DPP6: variants seen among roughly 807,000 people sequenced by gnomAD.
DPP6 encodes A-type potassium channel modulatory protein DPP6.
DPP6 carries 69 observed loss-of-function variants against 122.6 expected under a neutral mutation model. That is an observed-to-expected ratio of 0.56 (90% CI 0.46 to 0.69). The LOEUF (loss-of-function observed/expected upper bound fraction) is 0.69, where lower values mean the gene tolerates loss of function less well. Among genes scored for constraint, DPP6 ranks in the 30% least tolerant of loss-of-function variants. DPP6 has a pLI of 0.00. For synonymous variants in DPP6, 418 were observed against 433.1 expected (o/e 0.97, Z 0.43); for missense variants, 928 against 1,116.9 (o/e 0.83, Z 2.41).
At chr7:154,750,123 T>C (rs1222367431) in intron 8 of DPP6, among the ~76,000 whole-genome samples, 1 of 152,178 alleles carries the variant, frequency 6.6e-6, no homozygotes, top group African/African-American at 2.4e-5. Flanking sequence ...TCCTGGCCTG[T>C]GTGTGTCCGT....
intron 1 of DPP6, among the ~76,000 whole-genome samples, chr7:154,305,966 A>G (rs1326202980): frequency 1.3e-5 from 2 of 152,174 alleles, no homozygotes; most frequent in African/African-American, 4.8e-5. Context: ...AGCCAGAAAC[A>G]TCAGCGTATT....
At chr7:154,177,612 G>T (rs1010845176) in intron 1 of DPP6, among the ~76,000 whole-genome samples, 4 of 152,186 alleles carry the variant, frequency 2.6e-5, no homozygotes, top group African/African-American at 9.6e-5. Context: ...TGATGCTAAC[G>T]ATGTCCCCCA....
At chr7:154,635,109 TCAG>T (rs1268939922) in intron 5 of DPP6, among the ~76,000 whole-genome samples, 61 of 152,202 alleles carry the variant, frequency 4.0e-4, no homozygotes, top group African/African-American at 1.3e-3. Context: ...GAGACAGAAC[TCAG>T]GTCAAATCCC....
chr7:154,330,612 A>G (rs1036868879), intron 1 of DPP6, among the ~76,000 whole-genome samples: 7 of 152,188 alleles, frequency 4.6e-5, no homozygotes, highest in Admixed American at 3.3e-4. Flanking sequence ...AGAGAAAGGA[A>G]TTTTCAACAA....
chr7:153,791,989 C>G, the DPP6 span, among the ~76,000 whole-genome samples: 67,879 of 143,780 alleles, frequency 0.47, 14,962 homozygotes, highest in South Asian at 0.57. Flanking sequence ...TCTCCACAAA[C>G]AGTGCTGTTC....
intron 1 of DPP6, among the ~76,000 whole-genome samples, chr7:154,389,605 T>A (rs1248560885): frequency 6.6e-6 from 1 of 152,224 alleles, no homozygotes; most frequent in African/African-American, 2.4e-5. Flanking sequence ...TATGATTTAT[T>A]TTAGTGCCTA....
At chr7:154,659,748 G>A (rs1192107905) in intron 6 of DPP6, among the ~76,000 whole-genome samples, 2 of 152,208 alleles carry the variant, frequency 1.3e-5, no homozygotes, top group Admixed American at 6.5e-5. Flanking sequence ...AAGACAGATT[G>A]CCACGACTCA....
intron 1 of DPP6, among the ~76,000 whole-genome samples, chr7:153,904,501 G>T (rs772791594): frequency 6.6e-6 from 1 of 152,212 alleles, no homozygotes; most frequent in Non-Finnish European, 1.5e-5. Context: ...TAAAAGGCTT[G>T]AGGGGGAGGG....
chr7:154,550,415 G>A (rs1829540090), intron 4 of DPP6, among the ~76,000 whole-genome samples: 1 of 152,112 alleles, frequency 6.6e-6, no homozygotes, highest in Non-Finnish European at 1.5e-5. Flanking sequence ...TATAACCTTT[G>A]TGCCAAACCC....
chr7:153,807,531 G>C, the DPP6 span, among the ~76,000 whole-genome samples: 2 of 151,932 alleles, frequency 1.3e-5, no homozygotes, highest in African/African-American at 4.8e-5. Context: ...GAAAAATAAA[G>C]TGTCCAGGGT....
chr7:153,917,981 A>G (rs1800400497), intron 1 of DPP6, among the ~76,000 whole-genome samples: 1 of 152,192 alleles, frequency 6.6e-6, no homozygotes, highest in South Asian at 2.1e-4. Flanking sequence ...ATTATTTAGG[A>G]TGTTTTCTGT....
intron 5 of DPP6, among the ~76,000 whole-genome samples, chr7:154,597,121 G>A (rs1833138292): frequency 6.6e-6 from 1 of 151,988 alleles, no homozygotes; most frequent in Admixed American, 6.6e-5. Context: ...CTGAAAGCTG[G>A]TGTGATTTGA....
At chr7:154,346,424 A>T (rs1810401359) in intron 1 of DPP6, among the ~76,000 whole-genome samples, 2 of 152,082 alleles carry the variant, frequency 1.3e-5, no homozygotes, top group Non-Finnish European at 2.9e-5. Flanking sequence ...CTCCTGCCTC[A>T]GCCTCCCAAG....
intron 1 of DPP6, among the ~76,000 whole-genome samples, chr7:154,313,460 G>C (rs545316604): frequency 1.1e-4 from 17 of 151,990 alleles, no homozygotes; most frequent in African/African-American, 3.9e-4. Flanking sequence ...AACGTGGCAC[G>C]AGAGGCTCTT....
intron 7 of DPP6, among the ~76,000 whole-genome samples, chr7:154,680,139 G>A (rs13230940): frequency 0.33 from 50,740 of 151,936 alleles, 10,132 homozygotes; most frequent in Non-Finnish European, 0.46. Flanking sequence ...AAGGAAATGC[G>A]TAATCATAGG....
At chr7:154,853,144 TAAGAAG>T (rs968307014) in intron 16 of DPP6, among the ~76,000 whole-genome samples, 1 of 152,200 alleles carries the variant, frequency 6.6e-6, no homozygotes, top group African/African-American at 2.4e-5. Context: ...CTCCTTTTGC[TAAGAAG>T]AATCGAGAAG....
chr7:154,889,183 C>A, intron 23 of DPP6, 89 bp from the exon 24 acceptor site: 2 of 1,524,748 alleles, frequency 1.3e-6, no homozygotes, highest in Non-Finnish European at 1.8e-6. Flanking sequence ...ATACACTTCA[C>A]CTACCTTCTC....
chr7:154,401,191 C>A (rs1815550699), intron 1 of DPP6, among the ~76,000 whole-genome samples: 1 of 147,076 alleles, frequency 6.8e-6, no homozygotes. Flanking sequence ...GGTGAGACTC[C>A]ATCTCAGAAA....
At chr7:153,883,270 G>A (rs1170737713), upstream of DPP6, among the ~76,000 whole-genome samples, 1 of 152,136 alleles carries the variant, frequency 6.6e-6, no homozygotes, top group South Asian at 2.1e-4. Flanking sequence ...GTCTTCAAAT[G>A]GTTCCGAATT....
Sources: allele counts gnomAD v4.1 joint callset (sites outside exome capture counted in the v4.1 genomes callset), GRCh38; gene constraint gnomAD v4.1.1; transcripts MANE v1.5; gene names NCBI Gene and HGNC (gene_info 2026-07-23, HGNC 2026-07-21).